The following COMMD1 variants were observed in gnomAD, a reference collection of about 807,000 sequenced individuals.
COMMD1 encodes the protein COMM domain-containing protein 1.
COMMD1 carries 10 observed loss-of-function variants against 17.2 expected under a neutral mutation model. The observed-to-expected ratio is 0.58, with a 90% CI of 0.36 to 0.99. The LOEUF (loss-of-function observed/expected upper bound fraction) is 0.99, where lower values mean the gene tolerates loss of function less well. Ranked by LOEUF, COMMD1 falls within the 50% of genes least tolerant of loss-of-function variation. COMMD1 has a pLI of 0.01. For missense variants in COMMD1, 270 were observed against 231.8 expected, an observed-to-expected ratio of 1.17 and a Z score of -1.07; for synonymous variants, 97 against 91.6, an observed-to-expected ratio of 1.06 and a Z score of -0.34.
intron 1 of COMMD1, among the ~76,000 whole-genome samples, chr2:61,926,754 C>T (rs12470846): frequency 0.11 from 16,819 of 152,092 alleles, 2,149 homozygotes; most frequent in African/African-American, 0.31. Context: ...TTCACAAGAA[C>T]GTAACCATCT....
At chr2:61,892,079 C>T (rs755075242) in intron 1 of COMMD1, among the ~76,000 whole-genome samples, 2 of 151,848 alleles carry the variant, frequency 1.3e-5, no homozygotes, top group African/African-American at 4.8e-5. Context: ...GATCCGCCTG[C>T]CTTGGCCTCC....
Position 62,008,076 on chromosome 2 carries a change from A to G in COMMD1, c.462+7094A>G, listed in dbSNP as rs963372008. 4.6e-5 allele frequency among the ~76,000 whole-genome samples: 7 copies of G among 152,080 alleles called. No homozygotes were observed. The South Asian group carries it at 1.4e-3, about 31-fold the overall frequency. The stretch of plus-strand genomic sequence containing the variant: ...GCATGTCTGTAATCCAAGCTACTCG[A>G]TAGAGTGAGGATCCCTTGTGCCCAG... On this transcript the variant is annotated intron_variant, in intron 2 of 2. Transcript: ENST00000311832.
intron 2 of COMMD1, among the ~76,000 whole-genome samples, chr2:62,053,048 C>T (rs908360262): frequency 6.6e-6 from 1 of 152,152 alleles, no homozygotes; most frequent in Non-Finnish European, 1.5e-5. Flanking sequence ...CCACTGCACT[C>T]CAGCCTAGGT....
chr2:62,038,499 CT>C (rs1333703097), intron 2 of COMMD1, among the ~76,000 whole-genome samples: 6 of 151,704 alleles, frequency 4.0e-5, no homozygotes, highest in African/African-American at 1.5e-4. Flanking sequence ...ATGATTGTTT[CT>C]TTTTTAAATG....
At chr2:61,943,356 A>T (rs1670803440) in intron 1 of COMMD1, among the ~76,000 whole-genome samples, 1 of 152,106 alleles carries the variant, frequency 6.6e-6, no homozygotes, top group Non-Finnish European at 1.5e-5. Flanking sequence ...TCATTCCTAA[A>T]TTATTTGTTT....
At position 62,034,225 on chromosome 2, in the gene COMMD1, G is replaced by A. The variant is rs377245000; in HGVS notation, c.462+33243G>A. Among the ~76,000 whole-genome samples the A allele has an allele frequency of 5.9e-5, 9 of 152,120 alleles. No homozygotes were observed. The South Asian group carries it at 1.0e-3, about 18-fold the overall frequency. Reference sequence around the variant, plus strand: ...TTTCCATTAATAGTCACACTTGGCCGGGCATGGTGGCTCACACCTGTAATC... The same window carrying A: ...TTTCCATTAATAGTCACACTTGGCCAGGCATGGTGGCTCACACCTGTAATC... On this transcript the variant is annotated intron_variant, in intron 2 of 2. Coordinates refer to ENST00000311832, the MANE Select transcript of COMMD1 (RefSeq NM_152516.4).
intron 2 of COMMD1, among the ~76,000 whole-genome samples, chr2:62,045,559 CTTT>C (rs756748901): frequency 1.4e-5 from 2 of 138,682 alleles, no homozygotes. Context: ...TTTCCTTCTT[CTTT>C]TTTTTTTTTT....
chr2:62,033,837 C>T (rs752254401), intron 2 of COMMD1, among the ~76,000 whole-genome samples: 93 of 152,204 alleles, frequency 6.1e-4, no homozygotes, highest in Non-Finnish European at 9.3e-4. Context: ...AGGCTGGACA[C>T]AGTGGCTTGT....
chr2:62,085,457 T>G (rs1384207360), intron 2 of COMMD1, among the ~76,000 whole-genome samples: 4 of 151,922 alleles, frequency 2.6e-5, no homozygotes, highest in African/African-American at 9.7e-5. Context: ...GACCTCGTGA[T>G]CCACTTGCCT....
chr2:62,079,561 C>T (rs1369746007), intron 2 of COMMD1, among the ~76,000 whole-genome samples: 1 of 152,184 alleles, frequency 6.6e-6, no homozygotes, highest in African/African-American at 2.4e-5. Flanking sequence ...TTTCCTTGCC[C>T]TCACTCAAGA....
chr2:62,008,434 G>A (rs1213843109), intron 2 of COMMD1, among the ~76,000 whole-genome samples: 1 of 151,662 alleles, frequency 6.6e-6, no homozygotes, highest in Non-Finnish European at 1.5e-5. Context: ...ATACATAGAG[G>A]GATTTGTAAG....
intron 2 of COMMD1, among the ~76,000 whole-genome samples, chr2:62,032,662 T>C (rs1669939194): frequency 6.6e-6 from 1 of 152,242 alleles, no homozygotes; most frequent in Non-Finnish European, 1.5e-5. Context: ...TGGTGGAACC[T>C]CATACATCCC....
At position 62,086,562 on chromosome 2, in the gene COMMD1, G is replaced by A. The variant is rs114206324; in HGVS notation, c.463-49269G>A. Among the ~76,000 whole-genome samples the A allele has an allele frequency of 3.7e-3, 565 of 151,476 alleles. 4 individuals are homozygous for A. The highest frequency in any genetic ancestry group is 0.014 in the Middle Eastern group (4 of 290). Reference sequence around the variant, plus strand: ...GTTTCTGTTAGTGCCTTTCATGTTCGACTAAGCATTTCTGGTAGGTGCTTA... The same window carrying A: ...GTTTCTGTTAGTGCCTTTCATGTTCAACTAAGCATTTCTGGTAGGTGCTTA... On this transcript the variant is annotated intron_variant, in intron 2 of 2. Coordinates refer to ENST00000311832, the MANE Select transcript of COMMD1 (RefSeq NM_152516.4).
intron 2 of COMMD1, among the ~76,000 whole-genome samples, chr2:62,077,158 A>G (rs1457276950): frequency 6.6e-6 from 1 of 152,158 alleles, no homozygotes; most frequent in Non-Finnish European, 1.5e-5. Flanking sequence ...GAAGAGATTG[A>G]TGTAACTTGG....
intron 2 of COMMD1, among the ~76,000 whole-genome samples, chr2:62,027,646 GTTA>G (rs1206667867): frequency 6.8e-6 from 1 of 146,588 alleles, no homozygotes; most frequent in African/African-American, 2.7e-5. Flanking sequence ...GTTATGTTAT[GTTA>G]TGTTATGTTG....
intron 1 of COMMD1, among the ~76,000 whole-genome samples, chr2:61,909,312 G>A (rs1342956062): frequency 6.6e-6 from 1 of 152,216 alleles, no homozygotes; most frequent in East Asian, 1.9e-4. Flanking sequence ...CATGATGCAA[G>A]GATGTGATTG....
At chr2:62,077,211 C>T (rs1016212122) in intron 2 of COMMD1, among the ~76,000 whole-genome samples, 1 of 152,140 alleles carries the variant, frequency 6.6e-6, no homozygotes, top group Non-Finnish European at 1.5e-5. Flanking sequence ...TGTAAACAGA[C>T]TTGCTCTGTT....
intron 1 of COMMD1, among the ~76,000 whole-genome samples, chr2:61,918,196 T>C (rs1002409468): frequency 6.6e-6 from 1 of 152,240 alleles, no homozygotes; most frequent in Non-Finnish European, 1.5e-5. Context: ...GTCTAAATAT[T>C]TGACTTGATA....
At chr2:62,040,992 G>A (rs1573103854) in intron 2 of COMMD1, among the ~76,000 whole-genome samples, 2 of 152,184 alleles carry the variant, frequency 1.3e-5, no homozygotes, top group East Asian at 3.9e-4. Flanking sequence ...TTACAGACAT[G>A]AGCCACTGTG....
Sources: gnomAD v4.1 joint callset for allele counts (sites outside exome capture counted in the v4.1 genomes callset) on GRCh38, gnomAD v4.1.1 for gene constraint, MANE v1.5 for transcripts, NCBI Gene and HGNC (gene_info 2026-07-23, HGNC 2026-07-21) for gene names.